Variants in TENM2 observed in about 807,000 individuals in gnomAD.
TENM2 encodes teneurin transmembrane protein 2, also known as teneurin-2.
Under a neutral mutation model 245.2 loss-of-function variants are expected in TENM2, and 52 were observed. That is an observed-to-expected ratio of 0.21 (90% CI 0.17 to 0.27). The LOEUF is 0.27. Ranked by LOEUF, TENM2 falls within the 10% of genes least tolerant of loss-of-function variation. TENM2 has a pLI of 1.00. For synonymous variants in TENM2, 1,363 were observed against 1,438.9 expected, an observed-to-expected ratio of 0.95 and a Z score of 1.19; for missense variants, 3,046 against 3,666.8, an observed-to-expected ratio of 0.83 and a Z score of 4.37.
At chr5:167,363,730 C>CAAAAAAAAAAAAAAAAAAAAAAAAAAAAA (rs10659741) in intron 1 of TENM2, among the ~76,000 whole-genome samples, 6 of 89,306 alleles carry the variant, frequency 6.7e-5, no homozygotes, top group East Asian at 3.0e-4. Flanking sequence ...GACTCCATCT[C>CAAAAAAAAAAAAAAAAAAAAAAAAAAAAA]AAAAAAAAAA....
chr5:167,158,026 T>G, the TENM2 span, among the ~76,000 whole-genome samples: 2 of 152,236 alleles, frequency 1.3e-5, no homozygotes, highest in African/African-American at 4.8e-5. Context: ...GTGAACCCCA[T>G]GACATTTCTC....
At chr5:167,432,230 T>C (rs1387734455) in intron 2 of TENM2, among the ~76,000 whole-genome samples, 1 of 151,658 alleles carries the variant, frequency 6.6e-6, no homozygotes, top group African/African-American at 2.4e-5. Flanking sequence ...TGAACTCGTA[T>C]TTAAATCTGA....
At chr5:167,790,575 G>GTTATA (rs1764881082) in intron 2 of TENM2, among the ~76,000 whole-genome samples, 2 of 152,136 alleles carry the variant, frequency 1.3e-5, no homozygotes, top group Non-Finnish European at 2.9e-5. Context: ...GCAGTGCCTG[G>GTTATA]ACCCTTCAGA....
At chr5:168,150,897 C>A (rs748785445) in intron 12 of TENM2, among the ~76,000 whole-genome samples, 2 of 152,164 alleles carry the variant, frequency 1.3e-5, no homozygotes, top group African/African-American at 2.4e-5. Flanking sequence ...GCTTTTTCAG[C>A]CACAAATGAT....
At chr5:168,147,050 A>T (rs1204322062) in intron 12 of TENM2, among the ~76,000 whole-genome samples, 1 of 152,248 alleles carries the variant, frequency 6.6e-6, no homozygotes, top group African/African-American at 2.4e-5. Flanking sequence ...ATAATCTCCG[A>T]TTCCAAAAAT....
At chr5:167,328,550 A>T (rs1264490742) in intron 1 of TENM2, among the ~76,000 whole-genome samples, 1 of 152,186 alleles carries the variant, frequency 6.6e-6, no homozygotes, top group Non-Finnish European at 1.5e-5. Context: ...CTTCCCGCTT[A>T]TTAAATTTAT....
At chr5:167,813,307 C>G in intron 2 of TENM2, among the ~76,000 whole-genome samples, 1 of 151,916 alleles carries the variant, frequency 6.6e-6, no homozygotes, top group South Asian at 2.1e-4. Flanking sequence ...ATTTGGGAGG[C>G]TTTCAGAGGA....
chr5:168,258,611 C>A (rs1016474893), intron 27 of TENM2, among the ~76,000 whole-genome samples: 3 of 152,148 alleles, frequency 2.0e-5, no homozygotes, highest in Non-Finnish European at 4.4e-5. Flanking sequence ...TTAAAAACAT[C>A]ATGCTGAGTG....
intron 2 of TENM2, among the ~76,000 whole-genome samples, chr5:167,466,666 A>G (rs75279549): frequency 0.034 from 5,126 of 152,278 alleles, 303 homozygotes; most frequent in East Asian, 0.2. Flanking sequence ...TTGACATTCA[A>G]TATTCCAAAA....
At chr5:167,884,539 C>A (rs1323311410) in intron 3 of TENM2, among the ~76,000 whole-genome samples, 1 of 152,188 alleles carries the variant, frequency 6.6e-6, no homozygotes, top group Admixed American at 6.5e-5. Context: ...AGCATAATGT[C>A]TTCAAGTTTC....
chr5:167,048,843 C>A, the TENM2 span, among the ~76,000 whole-genome samples: 3 of 152,054 alleles, frequency 2.0e-5, no homozygotes, highest in African/African-American at 7.2e-5. Context: ...TGTCTGAGGT[C>A]TTTAATAATT....
At position 167,440,636 on chromosome 5, in the gene TENM2, A is replaced by G. The variant is rs546090969; in HGVS notation, c.502+65163A>G. Among the ~76,000 whole-genome samples the G allele has an allele frequency of 4.6e-5, 7 of 152,314 alleles. No individual in the cohort carries two copies. In the East Asian group the frequency reaches 1.2e-3, roughly 25 times the overall value. On this transcript the variant is annotated intron_variant, in intron 2 of 28. Coordinates refer to ENST00000518659, the Ensembl canonical transcript of TENM2. ...GACATCCTGAAAATAAAAAGGCACT[A>G]TGTAATATGAATCCTGGGCAACCTT...
chr5:168,208,348 A>T (rs747057267), intron 19 of TENM2, among the ~76,000 whole-genome samples: 17 of 152,206 alleles, frequency 1.1e-4, no homozygotes, highest in Non-Finnish European at 2.4e-4. Flanking sequence ...CCGCTTCTCC[A>T]TGCTGACATT....
the TENM2 span, among the ~76,000 whole-genome samples, chr5:167,000,754 T>C: frequency 6.6e-6 from 1 of 152,168 alleles, no homozygotes; most frequent in Non-Finnish European, 1.5e-5. Context: ...AATGGTTAAA[T>C]TTGTGATTTA....
intron 13 of TENM2, among the ~76,000 whole-genome samples, chr5:168,172,697 C>A (rs1032026652): frequency 6.6e-6 from 1 of 152,208 alleles, no homozygotes; most frequent in African/African-American, 2.4e-5. Context: ...AAAATACCAT[C>A]GGCGTTAGCT....
At chr5:167,245,205 G>C in the TENM2 span, among the ~76,000 whole-genome samples, 386 of 152,268 alleles carry the variant, frequency 2.5e-3, 1 homozygote, top group African/African-American at 8.9e-3. Context: ...TGTCAAGAGA[G>C]TAGGTAACTT....
the TENM2 span, among the ~76,000 whole-genome samples, chr5:166,980,163 G>T: frequency 5.1e-4 from 78 of 152,220 alleles, no homozygotes; most frequent in African/African-American, 1.8e-3. Context: ...ACATATAAGT[G>T]CTTTAGTGCA....
intron 2 of TENM2, among the ~76,000 whole-genome samples, chr5:167,783,868 C>T (rs1764378809): frequency 6.6e-6 from 1 of 151,982 alleles, no homozygotes; most frequent in Non-Finnish European, 1.5e-5. Flanking sequence ...AAGAAGTCCC[C>T]CGGGGGGACT....
intron 1 of TENM2, among the ~76,000 whole-genome samples, chr5:167,356,067 A>G (rs1581827491): frequency 6.6e-6 from 1 of 151,158 alleles, no homozygotes; most frequent in Non-Finnish European, 1.5e-5. Context: ...CTGTAATCCC[A>G]GCTACTCGGG....
Sources: allele counts gnomAD v4.1 joint callset (sites outside exome capture counted in the v4.1 genomes callset), GRCh38; gene constraint gnomAD v4.1.1; transcripts MANE v1.5; gene names NCBI Gene and HGNC (gene_info 2026-07-23, HGNC 2026-07-21).